The following DDX25 variants were observed in gnomAD, a reference collection of about 807,000 sequenced individuals.
The protein encoded by DDX25 is ATP-dependent RNA helicase DDX25.
In DDX25, 70 loss-of-function variants were observed where a neutral mutation model predicts 64.6. The observed-to-expected ratio is 1.08, with a 90% CI of 0.89 to 1.32. DDX25 has a LOEUF of 1.32. DDX25 is among the 40% of genes most tolerant of loss of function. The pLI is 0.00. For missense variants in DDX25, 587 were observed against 604.4 expected, an observed-to-expected ratio of 0.97 and a Z score of 0.30; for synonymous variants, 211 against 213.3, an observed-to-expected ratio of 0.99 and a Z score of 0.09.
chr11:125,907,049 T>C (rs1358851546), intron 4 of DDX25, among the ~76,000 whole-genome samples: 1 of 152,178 alleles, frequency 6.6e-6, no homozygotes, highest in Non-Finnish European at 1.5e-5. Context: ...AAACTTTTAC[T>C]TTCCTGATTA....
Position 125,922,950 on chromosome 11 carries a change from A to G in DDX25, c.*69A>G. On this transcript the variant is annotated 3_prime_UTR_variant, in exon 12 of 12. Transcript: ENST00000263576. Reference sequence around the variant, plus strand: ...AATGTCTCAGTGGGTTTTGAAGGTAATTTTTTTATGTTGAGGCTTTTTCGA... The same window carrying G: ...AATGTCTCAGTGGGTTTTGAAGGTAGTTTTTTTATGTTGAGGCTTTTTCGA... 2.1e-6 allele frequency: 3 copies of G among 1,426,146 alleles called. No homozygotes were observed. The South Asian group carries it at 4.1e-5, about 19-fold the overall frequency. The allele number at this position is 1,426,146 out of a possible 1,614,324, so 88.3% of individuals were successfully genotyped here. A position where few individuals can be genotyped will look rare whatever the true frequency, so the allele number is the denominator to read the frequency against.
At chr11:125,905,325 T>A in intron 2 of DDX25, 47 bp downstream of exon 2, 1 of 1,545,142 alleles carries the variant, frequency 6.5e-7, no homozygotes, top group Non-Finnish European at 8.8e-7. Flanking sequence ...GATTAAAAAG[T>A]ATTGTTTTGC....
At chr11:125,904,413 G>C (rs1005026127), upstream of DDX25, 37 of 1,140,000 alleles carry the variant, frequency 3.2e-5, no homozygotes, top group Non-Finnish European at 4.2e-5. Flanking sequence ...GCGCGGACGC[G>C]GACGCCTGCC....
In DDX25 at chr11:125,904,524, T is replaced by C. The variant is rs1944847965; in HGVS notation, c.7T>C (p.Ser3Pro). MA[S>P]LLWGGDAGAA... ...GGGAGCAGCAATCGCAGCCATGGCG[T>C]CGTTACTGTGGGGAGGCGACGCAGG... Residue 3 changes from serine (S) to proline (P), a missense_variant, in exon 1 of 12, where the codon TCG becomes CCG. Physicochemically the swap from Ser to Pro is moderately conservative, Grantham distance 74. Coordinates refer to ENST00000263576, the MANE Select transcript of DDX25 (RefSeq NM_013264.5). The C allele has an allele frequency of 1.3e-6, 2 of 1,487,848 alleles. No homozygotes were observed. The highest frequency in any genetic ancestry group is 8.9e-7 in the Non-Finnish European group (1 of 1,119,040). The allele number at this position is 1,487,848 out of a possible 1,614,324, so 92.2% of individuals were successfully genotyped here.
rs1022267065 is a variant in DDX25 at position 125,927,705 on chromosome 11, T to C, written c.*4824T>C. 1 of 152,196 alleles carries C rather than the reference T, an allele frequency of 6.6e-6. No individual in the cohort carries two copies. The allele number at this position is 152,196 out of a possible 1,614,324, so 9.4% of individuals were successfully genotyped here. On this transcript the variant is annotated 3_prime_UTR_variant, in exon 12 of 12. Transcript: ENST00000263576. The stretch of plus-strand genomic sequence containing the variant: ...ATTCGGAGGTAACATGTATAGGTCA[T>C]GTATAATGGCCTCAGGCATGATTTA...
chr11:125,914,476 C>G (rs955360460), intron 8 of DDX25, among the ~76,000 whole-genome samples: 1 of 152,340 alleles, frequency 6.6e-6, no homozygotes, highest in South Asian at 2.1e-4. Flanking sequence ...CCACTTTCTA[C>G]TAAGGCTTGT....
upstream of DDX25, chr11:125,904,483 A>G (rs1695601957): frequency 7.0e-7 from 1 of 1,436,278 alleles, no homozygotes; most frequent in Non-Finnish European, 9.2e-7. Context: ...CGGTGGTGGA[A>G]GCACGTGCTG....
At chr11:125,914,259 G>C (rs913737843) in intron 8 of DDX25, among the ~76,000 whole-genome samples, 2 of 152,172 alleles carry the variant, frequency 1.3e-5, no homozygotes, top group Non-Finnish European at 1.5e-5. Flanking sequence ...GTGCATGGCT[G>C]GGGCTGCCAC....
chr11:125,911,037 C>T (rs1248935316), intron 7 of DDX25, among the ~76,000 whole-genome samples: 1 of 151,668 alleles, frequency 6.6e-6, no homozygotes. Flanking sequence ...GACTAGCTGC[C>T]CAATATTTCA....
intron 4 of DDX25, 112 bp downstream of exon 4, chr11:125,906,321 A>ATTTT (rs34692223): frequency 2.0e-4 from 218 of 1,063,946 alleles, no homozygotes; most frequent in Non-Finnish European, 2.4e-4. Context: ...GATATTCAAT[A>ATTTT]TTTTTTTTTG....
intron 8 of DDX25, among the ~76,000 whole-genome samples, chr11:125,915,837 T>C (rs1260846159): frequency 6.6e-6 from 1 of 152,248 alleles, no homozygotes; most frequent in Admixed American, 6.5e-5. Flanking sequence ...TGTTCTGCAG[T>C]GCTCATGGTG....
chr11:125,908,327 T>C (rs752719651), intron 5 of DDX25, 39 bp downstream of exon 5: 8 of 1,613,030 alleles, frequency 5.0e-6, no homozygotes, highest in Non-Finnish European at 6.8e-6. Flanking sequence ...TTGGTTATGT[T>C]TAGTTTCTTA....
At chr11:125,920,191 C>G (rs1945092830) in intron 10 of DDX25, among the ~76,000 whole-genome samples, 1 of 152,180 alleles carries the variant, frequency 6.6e-6, no homozygotes, top group Non-Finnish European at 1.5e-5. Context: ...AATCCCAACA[C>G]TTTGGGAGGC....
chr11:125,907,080 T>C lies in DDX25; in HGVS notation c.311+871T>C, dbSNP rs190318243. 2.6e-4 allele frequency among the ~76,000 whole-genome samples: 39 copies of C among 152,290 alleles called. No individual in the cohort carries two copies. The East Asian group carries it at 7.4e-3, about 29-fold the overall frequency. On this transcript the variant is annotated intron_variant, in intron 4 of 11. Transcript: ENST00000263576. ...GATTATATTTTGTTTCAAATGATAT[T>C]AAACTGAATAACTTTCCCAAATGGG...
chr11:125,906,709 C>G (rs939846772), intron 4 of DDX25, among the ~76,000 whole-genome samples: 1 of 150,456 alleles, frequency 6.6e-6, no homozygotes, highest in Non-Finnish European at 1.5e-5. Context: ...ACCTGTAATC[C>G]CAGCTATTCG....
At chr11:125,905,840 G>A (rs536065762) in intron 3 of DDX25, among the ~76,000 whole-genome samples, 1 of 152,240 alleles carries the variant, frequency 6.6e-6, no homozygotes, top group Non-Finnish European at 1.5e-5. Context: ...GTCTCATGGA[G>A]ATGGACTTAG....
chr11:125,908,355 C>T (rs2134275236), intron 5 of DDX25, 46 bp from the exon 6 acceptor site: 2 of 1,613,000 alleles, frequency 1.2e-6, no homozygotes, highest in East Asian at 4.5e-5. Context: ...TTTATGCCCA[C>T]TCTCTTGTAT....
intron 9 of DDX25, among the ~76,000 whole-genome samples, chr11:125,917,854 T>G (rs1469597654): frequency 6.6e-6 from 1 of 152,122 alleles, no homozygotes; most frequent in African/African-American, 2.4e-5. Context: ...TTGGGAGTTT[T>G]GTCTGTTTTT....
chr11:125,917,067 CTG>C lies in DDX25; in HGVS notation c.859_860del (p.Trp287AlafsTer4), dbSNP rs1945048442. On this transcript the variant is annotated frameshift_variant, in exon 9 of 12. Transcript: ENST00000263576. LOFTEE classifies it high-confidence loss of function. ...CTCTTTTCAGCAACCTTTGAGGACT[CTG>C]TGTGGCACTTTGCTGAGCGAATCAT... 2 of 1,609,448 alleles carry C rather than the reference CTG, an allele frequency of 1.2e-6. No individual in the cohort carries two copies. The highest frequency in any genetic ancestry group is 1.7e-6 in the Non-Finnish European group (2 of 1,178,220).
Sources: allele counts gnomAD v4.1 joint callset (sites outside exome capture counted in the v4.1 genomes callset), GRCh38; gene constraint gnomAD v4.1.1; transcripts MANE v1.5; gene names NCBI Gene and HGNC (gene_info 2026-07-23, HGNC 2026-07-21).